PTPRD: variants seen among roughly 807,000 people sequenced by gnomAD.
PTPRD encodes protein tyrosine phosphatase receptor type D.
In PTPRD, 34 loss-of-function variants were observed where a neutral mutation model predicts 214.5. The observed-to-expected ratio is 0.16, with a 90% CI of 0.12 to 0.21. The LOEUF (loss-of-function observed/expected upper bound fraction) is 0.21. Among genes scored for constraint, PTPRD ranks in the 10% least tolerant of loss-of-function variants. The pLI is 1.00. For synonymous variants in PTPRD, 1,128 were observed against 845.7 expected, an observed-to-expected ratio of 1.33 and a Z score of -5.79; for missense variants, 2,545 against 2,398.7, an observed-to-expected ratio of 1.06 and a Z score of -1.27.
intron 8 of PTPRD, among the ~76,000 whole-genome samples, chr9:9,508,384 T>C (rs991011948): frequency 3.3e-5 from 5 of 151,662 alleles, no homozygotes; most frequent in Non-Finnish European, 5.9e-5. Flanking sequence ...TGACCTTTCG[T>C]GAGTAGAAAT....
chr9:8,793,391 A>AT (rs778796794), intron 11 of PTPRD, among the ~76,000 whole-genome samples: 1 of 152,194 alleles, frequency 6.6e-6, no homozygotes, highest in Non-Finnish European at 1.5e-5. Context: ...TTGGAAAAAG[A>AT]TCCTCCAGCC....
At chr9:10,302,010 G>T (rs761191369) in intron 3 of PTPRD, among the ~76,000 whole-genome samples, 4 of 152,132 alleles carry the variant, frequency 2.6e-5, no homozygotes, top group African/African-American at 7.2e-5. Context: ...AATGTTAAGG[G>T]CAGCCAGAGG....
intron 11 of PTPRD, among the ~76,000 whole-genome samples, chr9:8,800,949 C>T (rs1281018072): frequency 9.2e-5 from 14 of 152,196 alleles, no homozygotes; most frequent in Admixed American, 9.2e-4. Flanking sequence ...CCTAGGCAGG[C>T]AGTCCTGGAT....
intron 7 of PTPRD, among the ~76,000 whole-genome samples, chr9:9,587,938 C>T (rs192833410): frequency 1.5e-4 from 23 of 151,738 alleles, no homozygotes; most frequent in Non-Finnish European, 1.9e-4. Context: ...GTTGGTTAGC[C>T]GACTAAAGTG....
chr9:8,803,634 G>A (rs1335276458), intron 11 of PTPRD, among the ~76,000 whole-genome samples: 1 of 151,918 alleles, frequency 6.6e-6, no homozygotes, highest in Non-Finnish European at 1.5e-5. Flanking sequence ...TGAAGTGGGA[G>A]GACTGCTTGA....
intron 11 of PTPRD, among the ~76,000 whole-genome samples, chr9:8,798,776 G>A (rs921972076): frequency 1.6e-4 from 24 of 152,128 alleles, no homozygotes; most frequent in Admixed American, 7.9e-4. Context: ...CTAGTGCTTC[G>A]GTGATCATAT....
rs116628958 is a variant in PTPRD at position 10,220,704 on chromosome 9, T to C, written c.-545+120259A>G. On this transcript the variant is annotated intron_variant, in intron 3 of 45. Coordinates refer to ENST00000381196, the MANE Select transcript of PTPRD (RefSeq NM_002839.4). The stretch of plus-strand genomic sequence containing the variant: ...GTGCATTGTAAAAAGTATACGTTTT[T>C]ATATTATTATAAGATATATATTGCA... Among the ~76,000 whole-genome samples the C allele has an allele frequency of 6.3e-3, 964 of 151,984 alleles. 16 individuals are homozygous for C. Among genetic ancestry groups the C allele is most frequent in the African/African-American group, 0.022 (922 of 41,534 alleles).
intron 23 of PTPRD, among the ~76,000 whole-genome samples, chr9:8,501,461 T>A (rs963105728): frequency 5.9e-5 from 9 of 152,156 alleles, no homozygotes; most frequent in African/African-American, 2.2e-4. Context: ...GAGGGTCTGA[T>A]GATGCCTCAC....
chr9:10,311,610 A>C (rs922062003), intron 3 of PTPRD, among the ~76,000 whole-genome samples: 1 of 152,082 alleles, frequency 6.6e-6, no homozygotes, highest in Admixed American at 6.6e-5. Flanking sequence ...TGTGTTGGGC[A>C]CCAAGCTGTT....
At chr9:8,765,359 C>G (rs1195996277) in intron 11 of PTPRD, among the ~76,000 whole-genome samples, 1 of 152,186 alleles carries the variant, frequency 6.6e-6, no homozygotes, top group African/African-American at 2.4e-5. Flanking sequence ...AAAACCATGA[C>G]TTCCCTCTTG....
At chr9:9,063,142 C>T (rs2099710752) in intron 10 of PTPRD, among the ~76,000 whole-genome samples, 1 of 152,108 alleles carries the variant, frequency 6.6e-6, no homozygotes, top group African/African-American at 2.4e-5. Context: ...CAACATTTGT[C>T]ATGGCTCTAC....
chr9:9,452,512 G>C (rs774689851), intron 8 of PTPRD, among the ~76,000 whole-genome samples: 2 of 150,988 alleles, frequency 1.3e-5, no homozygotes, highest in African/African-American at 4.8e-5. Context: ...GATAAGATTT[G>C]GGGTAAAATA....
intron 8 of PTPRD, among the ~76,000 whole-genome samples, chr9:9,459,579 A>G (rs567638607): frequency 6.6e-6 from 1 of 152,176 alleles, no homozygotes; most frequent in African/African-American, 2.4e-5. Context: ...TGAGAACGAA[A>G]CCAATAACTC....
chr9:10,247,739 G>A (rs543430687), intron 3 of PTPRD, among the ~76,000 whole-genome samples: 110 of 152,222 alleles, frequency 7.2e-4, no homozygotes, highest in African/African-American at 2.6e-3. Context: ...GGAGCCAGAG[G>A]AGAGAAAGAA....
intron 8 of PTPRD, among the ~76,000 whole-genome samples, chr9:9,534,232 T>A (rs569323450): frequency 5.3e-5 from 8 of 152,236 alleles, no homozygotes; most frequent in African/African-American, 1.9e-4. Flanking sequence ...ATGAGAAATA[T>A]TATAGATATT....
rs569014328 is a variant in PTPRD at position 8,523,611 on chromosome 9, A to G, written c.680-87T>C. 6.2e-5 allele frequency: 90 copies of G among 1,447,860 alleles called. 1 individual carries two copies. The East Asian group carries it at 1.1e-3, about 18-fold the overall frequency. The allele number at this position is 1,447,860 out of a possible 1,614,324, so 89.7% of individuals were successfully genotyped here. On this transcript the variant is annotated intron_variant, in intron 18 of 45. Transcript: ENST00000381196. ...GAAACACAGAGAGAGTAAAAAGGCC[A>G]TATCAAGGCTTTCAACTGCTACTTG...
At chr9:8,413,514 C>G (rs10977062) in intron 35 of PTPRD, among the ~76,000 whole-genome samples, 26,217 of 152,092 alleles carry the variant, frequency 0.17, 2,616 homozygotes, top group Non-Finnish European at 0.23. Context: ...GTATTTAGTA[C>G]AACTATCTCA....
At chr9:10,469,545 A>G (rs1287375303) in intron 2 of PTPRD, among the ~76,000 whole-genome samples, 1 of 152,134 alleles carries the variant, frequency 6.6e-6, no homozygotes, top group Non-Finnish European at 1.5e-5. Context: ...TAAAGTTCAG[A>G]GAACACAGTC....
At chr9:10,138,941 A>C (rs1262636944) in intron 3 of PTPRD, among the ~76,000 whole-genome samples, 5 of 152,096 alleles carry the variant, frequency 3.3e-5, no homozygotes, top group Non-Finnish European at 7.3e-5. Flanking sequence ...AGCTAATATC[A>C]CACCAAATGG....
Sources: allele counts gnomAD v4.1 joint callset (sites outside exome capture counted in the v4.1 genomes callset), GRCh38; gene constraint gnomAD v4.1.1; transcripts MANE v1.5; gene names NCBI Gene and HGNC (gene_info 2026-07-23, HGNC 2026-07-21).